RCL1: variants seen among roughly 807,000 people sequenced by gnomAD.
The protein encoded by RCL1 is RNA terminal phosphate cyclase like 1, also known as RNA 3'-terminal phosphate cyclase-like protein.
A neutral mutation model predicts 42.4 loss-of-function variants in RCL1; 24 were observed. The observed-to-expected ratio is 0.57, with a 90% CI of 0.41 to 0.80. The LOEUF (loss-of-function observed/expected upper bound fraction) is 0.80. Ranked by LOEUF, RCL1 falls within the 30% of genes least tolerant of loss-of-function variation. The probability of loss-of-function intolerance (pLI) is 0.00; values close to 1 mark genes in which losing one functional copy is unlikely to be tolerated. For missense variants in RCL1, 578 were observed against 467.9 expected (o/e 1.24, Z -2.17); for synonymous variants, 228 against 177.3 (o/e 1.29, Z -2.27).
intron 1 of RCL1, among the ~76,000 whole-genome samples, chr9:4,820,913 T>G (rs1027059402): frequency 3.3e-5 from 5 of 152,234 alleles, no homozygotes; most frequent in African/African-American, 1.2e-4. Context: ...GACTGAAGTT[T>G]CACGAACAGC....
chr9:4,832,561 A>G (rs778555668), intron 3 of RCL1, among the ~76,000 whole-genome samples: 2 of 152,090 alleles, frequency 1.3e-5, no homozygotes, highest in Non-Finnish European at 2.9e-5. Context: ...CTGTTATCCC[A>G]GCACTTTGGG....
In RCL1 at chr9:4,816,213, T is replaced by C. The variant is rs946098318; in HGVS notation, c.137-7335T>C. ...ATTTTTCTGTCTTTTTCTTATTTAATTGTTGATTCATTGGTATATTCTGGA... is the reference window on the plus strand; with the variant it reads ...ATTTTTCTGTCTTTTTCTTATTTAACTGTTGATTCATTGGTATATTCTGGA... On this transcript the variant is annotated intron_variant, in intron 1 of 8. Coordinates refer to ENST00000381750, the MANE Select transcript of RCL1 (RefSeq NM_005772.5). Among the ~76,000 whole-genome samples, 3 of 152,318 alleles carry C rather than the reference T, an allele frequency of 2.0e-5. No homozygotes were observed. In the East Asian group the frequency reaches 5.8e-4, roughly 29 times the overall value.
intron 1 of RCL1, among the ~76,000 whole-genome samples, chr9:4,794,725 C>G (rs1325061583): frequency 6.6e-6 from 1 of 150,866 alleles, no homozygotes; most frequent in African/African-American, 2.4e-5. Flanking sequence ...TAGAGTTTTT[C>G]TATTGACAGG....
chr9:4,841,699 A>C (rs12349470), intron 6 of RCL1, among the ~76,000 whole-genome samples: 3,493 of 152,354 alleles, frequency 0.023, 119 homozygotes, highest in African/African-American at 0.077. Flanking sequence ...CCCTGAGTAA[A>C]TAACAGTATA....
At position 4,860,284 on chromosome 9, in the gene RCL1, A is replaced by T. The variant is rs1360985578; in HGVS notation, c.*9A>T. 1 of 1,611,912 alleles carries T rather than the reference A, an allele frequency of 6.2e-7. No individual in the cohort carries two copies. Reference sequence around the variant, plus strand: ...GCAAGACCCTCAAGTGATAACCATCACAAGATAAGGCCCCAATGCCTACAG... The same window carrying T: ...GCAAGACCCTCAAGTGATAACCATCTCAAGATAAGGCCCCAATGCCTACAG... On this transcript the variant is annotated 3_prime_UTR_variant, in exon 9 of 9. Transcript: ENST00000381750.
At chr9:4,853,343 A>G (rs1033453685) in intron 8 of RCL1, among the ~76,000 whole-genome samples, 4 of 112,078 alleles carry the variant, frequency 3.6e-5, no homozygotes, top group African/African-American at 4.0e-5. Context: ...TTTTTTTTTG[A>G]GACGGAGTCT....
intron 7 of RCL1, 111 bp from the exon 8 acceptor site, chr9:4,849,336 T>G: frequency 1.3e-6 from 1 of 747,834 alleles, no homozygotes; most frequent in Non-Finnish European, 2.3e-6. Flanking sequence ...TATTGTTGCT[T>G]GAACTTTGGA....
intron 1 of RCL1, among the ~76,000 whole-genome samples, chr9:4,818,637 C>T (rs888724447): frequency 1.3e-5 from 2 of 152,094 alleles, no homozygotes; most frequent in African/African-American, 4.8e-5. Context: ...AATCCCAGCA[C>T]TTTGGGAGGC....
At position 4,849,486 on chromosome 9, in the gene RCL1, C is replaced by G. The variant is rs1817642701; in HGVS notation, c.907C>G (p.Leu303Val). 6.2e-7 allele frequency: 1 copy of G among 1,613,982 alleles called. No individual in the cohort carries two copies. Reference sequence around the variant, plus strand: ...CTCGACCAACCAAAGCCTGGCGCTACTACTCATGACCCTTGGACAGCAGGA... The same window carrying G: ...CTCGACCAACCAAAGCCTGGCGCTAGTACTCATGACCCTTGGACAGCAGGA... Reference protein sequence around the residue: ...VDSTNQSLALLLMTLGQQDVS... With the variant: ...VDSTNQSLALVLMTLGQQDVS... Residue 303 changes from leucine to valine, a missense_variant, in exon 8 of 9, where the codon CTA becomes GTA. Coordinates refer to ENST00000381750, the MANE Select transcript of RCL1 (RefSeq NM_005772.5).
intron 6 of RCL1, among the ~76,000 whole-genome samples, chr9:4,843,490 A>C (rs1817403493): frequency 6.6e-6 from 1 of 152,226 alleles, no homozygotes; most frequent in South Asian, 2.1e-4. Context: ...CAGCTTGGTC[A>C]GCCTAACTTG....
intron 7 of RCL1, among the ~76,000 whole-genome samples, chr9:4,848,779 T>G (rs1587730584): frequency 6.6e-6 from 1 of 152,284 alleles, no homozygotes; most frequent in African/African-American, 2.4e-5. Context: ...GAGAAGTCTG[T>G]TCTGCTTGTT....
At position 4,860,279 on chromosome 9, in the gene RCL1, C is replaced by G. The variant is rs769155618; in HGVS notation, c.*4C>G. ...CCTTAGCAAGACCCTCAAGTGATAA[C>G]CATCACAAGATAAGGCCCCAATGCC... On this transcript the variant is annotated 3_prime_UTR_variant, in exon 9 of 9. Transcript: ENST00000381750. 15 of 1,612,046 alleles carry G rather than the reference C, an allele frequency of 9.3e-6. No homozygotes were observed. In the Admixed American group the frequency reaches 2.2e-4, roughly 23 times the overall value.
At position 4,833,386 on chromosome 9, in the gene RCL1, G is replaced by C. The variant is rs550192354; in HGVS notation, c.459+158G>C. ...TCATGAAATAAACACTACAGACTTT[G>C]AACTGAAAGGGACCCTTTAGTAATA... On this transcript the variant is annotated intron_variant, in intron 4 of 8. Coordinates refer to ENST00000381750, the MANE Select transcript of RCL1 (RefSeq NM_005772.5). Among the ~76,000 whole-genome samples, 8 of 152,308 alleles carry C rather than the reference G, an allele frequency of 5.3e-5. No homozygotes were observed. The South Asian group carries it at 1.0e-3, about 20-fold the overall frequency.
At chr9:4,818,266 C>G (rs1239196152) in intron 1 of RCL1, among the ~76,000 whole-genome samples, 1 of 151,928 alleles carries the variant, frequency 6.6e-6, no homozygotes, top group Non-Finnish European at 1.5e-5. Context: ...TTGGTAGAAT[C>G]TCATCTGTTT....
intron 8 of RCL1, among the ~76,000 whole-genome samples, chr9:4,852,733 T>G (rs912938741): frequency 6.6e-6 from 1 of 150,942 alleles, no homozygotes; most frequent in East Asian, 1.9e-4. Flanking sequence ...TGGACACCCC[T>G]TCACCCTGCT....
intron 5 of RCL1, chr9:4,836,784 G>A (rs1279383119): frequency 6.6e-6 from 1 of 152,446 alleles, no homozygotes; most frequent in Non-Finnish European, 1.5e-5. Flanking sequence ...GAAGGGCAGG[G>A]AGTAGGGTGG....
intron 4 of RCL1, 54 bp from the exon 5 acceptor site, chr9:4,834,087 G>A (rs372465798): frequency 1.3e-6 from 2 of 1,586,354 alleles, no homozygotes; most frequent in Non-Finnish European, 1.7e-6. Context: ...AGGGTGTCAG[G>A]GTAATCCATT....
At chr9:4,820,606 A>G (rs557589280) in intron 1 of RCL1, among the ~76,000 whole-genome samples, 157 of 152,306 alleles carry the variant, frequency 1.0e-3, no homozygotes, top group African/African-American at 3.7e-3. Context: ...CTAATTTGTA[A>G]AAATCTGTGG....
At position 4,836,015 on chromosome 9, in the gene RCL1, A is replaced by T. The variant is rs146865512; in HGVS notation, c.584+1750A>T. ...ATGAGTTTTCAGTTGTTACCGAGTT[A>T]GGATGGGATTGAGGGTAAGGGGATG... On this transcript the variant is annotated intron_variant, in intron 5 of 8. Coordinates refer to ENST00000381750, the MANE Select transcript of RCL1 (RefSeq NM_005772.5). Among the ~76,000 whole-genome samples, 418 of 152,260 alleles carry T rather than the reference A, an allele frequency of 2.7e-3. 2 individuals carry two copies. Among genetic ancestry groups the T allele is most frequent in the African/African-American group, 9.3e-3 (386 of 41,556 alleles).
Sources: allele counts gnomAD v4.1 joint callset (sites outside exome capture counted in the v4.1 genomes callset), GRCh38; gene constraint gnomAD v4.1.1; transcripts MANE v1.5; gene names NCBI Gene and HGNC (gene_info 2026-07-23, HGNC 2026-07-21).